MGAT5: variants seen among roughly 807,000 people sequenced by gnomAD.
MGAT5 encodes the protein alpha-1,6-mannosylglycoprotein 6-beta-N-acetylglucosaminyltransferase, also known as alpha-1,6-mannosylglycoprotein 6-beta-N-acetylglucosaminyltransferase A.
A neutral mutation model predicts 94.3 loss-of-function variants in MGAT5; 30 were observed. That is an observed-to-expected ratio of 0.32 (90% confidence interval 0.24 to 0.43). The LOEUF is 0.43. Among genes scored for constraint, MGAT5 ranks in the 20% least tolerant of loss-of-function variants. The probability of loss-of-function intolerance (pLI) is 1.00; values close to 1 mark genes in which losing one functional copy is unlikely to be tolerated. For synonymous variants in MGAT5, 310 were observed against 322.9 expected, an observed-to-expected ratio of 0.96 and a Z score of 0.43; for missense variants, 691 against 905.5, an observed-to-expected ratio of 0.76 and a Z score of 3.04.
At chr2:134,152,085 C>T (rs1163251470) in intron 1 of MGAT5, among the ~76,000 whole-genome samples, 1 of 146,152 alleles carries the variant, frequency 6.8e-6, no homozygotes, top group East Asian at 2.1e-4. Flanking sequence ...ACCTCACTCA[C>T]TCATCCCCTC....
At chr2:134,435,939 A>G (rs1216199902) in intron 14 of MGAT5, among the ~76,000 whole-genome samples, 1 of 152,218 alleles carries the variant, frequency 6.6e-6, no homozygotes, top group African/African-American at 2.4e-5. Context: ...AAGCTATGAC[A>G]GGGGCTTCCA....
At chr2:134,389,320 G>C (rs547905834) in intron 10 of MGAT5, among the ~76,000 whole-genome samples, 1 of 152,284 alleles carries the variant, frequency 6.6e-6, no homozygotes, top group Non-Finnish European at 1.5e-5. Flanking sequence ...ATATTGACTA[G>C]TAAATATAGC....
chr2:134,385,245 T>C (rs1200556093), intron 10 of MGAT5, among the ~76,000 whole-genome samples: 2 of 152,332 alleles, frequency 1.3e-5, no homozygotes, highest in East Asian at 3.9e-4. Context: ...GAAACACACA[T>C]TTTAGCAGAA....
chr2:134,433,551 G>A (rs1019212620), intron 14 of MGAT5, among the ~76,000 whole-genome samples: 15 of 152,160 alleles, frequency 9.9e-5, no homozygotes, highest in Admixed American at 6.5e-5. Context: ...TTCTTTTGTG[G>A]AAACAAAAAT....
At chr2:134,183,965 T>C (rs1288657964) in intron 1 of MGAT5, among the ~76,000 whole-genome samples, 1 of 152,252 alleles carries the variant, frequency 6.6e-6, no homozygotes, top group East Asian at 1.9e-4. Flanking sequence ...GATGTTTGTC[T>C]CTGTAAAGTT....
intron 15 of MGAT5, among the ~76,000 whole-genome samples, chr2:134,442,792 A>G (rs1235927889): frequency 1.3e-5 from 2 of 152,130 alleles, no homozygotes; most frequent in Non-Finnish European, 2.9e-5. Context: ...CACATATTGC[A>G]TAATTATCTA....
At chr2:134,447,996 G>A (rs1242239913) in intron 15 of MGAT5, among the ~76,000 whole-genome samples, 1 of 152,252 alleles carries the variant, frequency 6.6e-6, no homozygotes, top group Non-Finnish European at 1.5e-5. Context: ...CGATGCCCCA[G>A]GACAGCACCT....
Position 134,358,036 on chromosome 2 carries a change from A to G in MGAT5, c.1247-4239A>G, listed in dbSNP as rs189061066. 7.9e-5 allele frequency among the ~76,000 whole-genome samples: 12 copies of G among 152,290 alleles called. No homozygotes were observed. In the East Asian group the frequency reaches 2.3e-3, roughly 29 times the overall value. ...CAAAAACGGCATGAATATGATGACAATCAGTATTCTTCTTCAGTATTTTAA... is the reference window on the plus strand; with the variant it reads ...CAAAAACGGCATGAATATGATGACAGTCAGTATTCTTCTTCAGTATTTTAA... On this transcript the variant is annotated intron_variant, in intron 9 of 15. Coordinates refer to ENST00000281923, the MANE Select transcript of MGAT5 (RefSeq NM_002410.5).
intron 2 of MGAT5, among the ~76,000 whole-genome samples, chr2:134,304,758 T>G (rs1439113): frequency 0.61 from 93,109 of 152,068 alleles, 30,114 homozygotes; most frequent in Non-Finnish European, 0.71. Flanking sequence ...GATTTTTTGT[T>G]TTTTAACATG....
chr2:134,270,257 G>A (rs758885872), intron 1 of MGAT5, 129 bp from the exon 2 acceptor site: 3 of 885,166 alleles, frequency 3.4e-6, no homozygotes, highest in African/African-American at 1.7e-5. Context: ...TTCAGATGTG[G>A]TTTGACAGAT....
At chr2:134,145,537 C>G (rs1449652516) in intron 1 of MGAT5, among the ~76,000 whole-genome samples, 1 of 152,130 alleles carries the variant, frequency 6.6e-6, no homozygotes, top group African/African-American at 2.4e-5. Context: ...CAGAGCGAGA[C>G]TCCGTCTCAA....
At chr2:134,420,992 A>G (rs1426179864) in intron 12 of MGAT5, among the ~76,000 whole-genome samples, 1 of 152,222 alleles carries the variant, frequency 6.6e-6, no homozygotes, top group Non-Finnish European at 1.5e-5. Context: ...TCAGCTGAAT[A>G]TGGTCAGCCT....
At chr2:134,325,687 A>C (rs779491932) in intron 4 of MGAT5, among the ~76,000 whole-genome samples, 1 of 152,160 alleles carries the variant, frequency 6.6e-6, no homozygotes, top group Non-Finnish European at 1.5e-5. Flanking sequence ...CCATTGTATA[A>C]ATTAAAGTTT....
At chr2:134,271,481 TA>T (rs533987161) in intron 2 of MGAT5, among the ~76,000 whole-genome samples, 2 of 151,758 alleles carry the variant, frequency 1.3e-5, no homozygotes, top group African/African-American at 2.4e-5. Context: ...GTTCCTGCTT[TA>T]AAAAAAAATC....
intron 1 of MGAT5, among the ~76,000 whole-genome samples, chr2:134,121,232 C>T (rs1311189348): frequency 6.6e-6 from 1 of 152,194 alleles, no homozygotes; most frequent in African/African-American, 2.4e-5. Flanking sequence ...GGGTGTTAGC[C>T]CCTGCTCCCC....
intron 10 of MGAT5, among the ~76,000 whole-genome samples, chr2:134,390,739 C>T (rs776598154): frequency 9.2e-5 from 14 of 152,060 alleles, no homozygotes; most frequent in Admixed American, 5.2e-4. Context: ...TCCCCCTAAC[C>T]CTCCCGCCCC....
chr2:134,140,463 T>C (rs1225992003), intron 1 of MGAT5, among the ~76,000 whole-genome samples: 1 of 152,196 alleles, frequency 6.6e-6, no homozygotes, highest in Non-Finnish European at 1.5e-5. Flanking sequence ...TCCACAAAAG[T>C]GGGCGAGTTG....
intron 1 of MGAT5, among the ~76,000 whole-genome samples, chr2:134,216,885 C>G (rs945015139): frequency 3.3e-5 from 5 of 152,102 alleles, no homozygotes; most frequent in Admixed American, 1.3e-4. Flanking sequence ...GATTGGCGCT[C>G]TAGTCTGCAC....
chr2:134,344,107 T>G (rs532774464), intron 7 of MGAT5, among the ~76,000 whole-genome samples: 1 of 152,152 alleles, frequency 6.6e-6, no homozygotes, highest in Non-Finnish European at 1.5e-5. Flanking sequence ...TATCATGGGG[T>G]GTTGCAGATA....
Sources: gnomAD v4.1 joint callset for allele counts (sites outside exome capture counted in the v4.1 genomes callset) on GRCh38, gnomAD v4.1.1 for gene constraint, MANE v1.5 for transcripts, NCBI Gene and HGNC (gene_info 2026-07-23, HGNC 2026-07-21) for gene names.